FAM186B: variants seen among roughly 807,000 people sequenced by gnomAD.
FAM186B encodes the protein protein FAM186B.
A neutral mutation model predicts 83.4 loss-of-function variants in FAM186B; 68 were observed. The observed-to-expected ratio is 0.81, with a 90% CI of 0.67 to 1.00. The LOEUF is 1.00. Ranked by LOEUF, FAM186B falls within the 50% of genes least tolerant of loss-of-function variation. FAM186B has a pLI of 0.00. For synonymous variants in FAM186B, 389 were observed against 422.0 expected (o/e 0.92, Z 0.96); for missense variants, 983 against 1,099.2 (o/e 0.89, Z 1.49).
Position 49,604,556 on chromosome 12 carries a change from A to T in FAM186B, c.97-18T>A. 6.2e-7 allele frequency: 1 copy of T among 1,609,440 alleles called. No individual in the cohort carries two copies. The highest frequency in any genetic ancestry group is 8.5e-7 in the Non-Finnish European group (1 of 1,175,838). ...GAAATATCCTATAGAGAAGCAGCAG[A>T]TTGTAGTGTTAGGGCTGTGGACTTG... On this transcript the variant is annotated intron_variant, in intron 1 of 6. Coordinates refer to ENST00000257894, the MANE Select transcript of FAM186B (RefSeq NM_032130.3).
chr12:49,595,915 C>T (rs971558888), intron 5 of FAM186B, among the ~76,000 whole-genome samples: 2 of 152,256 alleles, frequency 1.3e-5, no homozygotes, highest in East Asian at 3.9e-4. Context: ...ACCTGGGAGG[C>T]GGAGCTTGCA....
At chr12:49,594,221 A>G in intron 5 of FAM186B, 1 of 271,114 alleles carries the variant, frequency 3.7e-6, no homozygotes, top group Non-Finnish European at 7.8e-6. Context: ...ATAATATTCA[A>G]GAAAAGGACT....
chr12:49,608,701 T>C (rs983088743), upstream of FAM186B, among the ~76,000 whole-genome samples: 1 of 151,746 alleles, frequency 6.6e-6, no homozygotes, highest in East Asian at 1.9e-4. Flanking sequence ...GCCCCCGTGA[T>C]GGCATTTGGC....
chr12:49,588,383 C>T, intron 6 of FAM186B, 71 bp downstream of exon 6: 1 of 1,519,112 alleles, frequency 6.6e-7, no homozygotes, highest in Non-Finnish European at 8.9e-7. Context: ...CCCACCTCCC[C>T]AGGCTGGTCA....
chr12:49,606,494 C>CAT (rs1348084545), upstream of FAM186B, among the ~76,000 whole-genome samples: 12 of 146,076 alleles, frequency 8.2e-5, no homozygotes, highest in South Asian at 1.9e-3. Context: ...CTGACACACA[C>CAT]ACACACACAC....
At chr12:49,593,114 C>A (rs979579719) in intron 5 of FAM186B, 1 of 152,174 alleles carries the variant, frequency 6.6e-6, no homozygotes, top group Non-Finnish European at 1.5e-5. Context: ...GTGCTCACTT[C>A]GGTAGCACAT....
chr12:49,619,445 G>A, the FAM186B span: 4 of 584,638 alleles, frequency 6.8e-6, no homozygotes, highest in Non-Finnish European at 9.4e-6. Flanking sequence ...AGGTTTTGCA[G>A]CAATTGTTGC....
chr12:49,603,250 C>T lies in FAM186B; in HGVS notation c.440G>A (p.Arg147Lys). The T allele has an allele frequency of 2.5e-6, 4 of 1,614,224 alleles. No individual in the cohort carries two copies. Among genetic ancestry groups the T allele is most frequent in the Non-Finnish European group, 3.4e-6 (4 of 1,180,054 alleles). ...VLPLSLIATK[R>K]GIESLTALCS... ...AAGGGCAGTGAGTGACTCGATGCCT[C>T]TTTTGGTGGCAATGAGGGACAGCGG... The change falls in exon 3 of 7, where the codon AGA becomes AAA. Residue 147 changes from arginine (R) to lysine (K), a missense_variant. Transcript: ENST00000257894.
chr12:49,616,320 G>A, the FAM186B span, among the ~76,000 whole-genome samples: 7 of 152,122 alleles, frequency 4.6e-5, no homozygotes, highest in African/African-American at 9.7e-5. Flanking sequence ...GTGAGCCACC[G>A]CACCCAGCCA....
upstream of FAM186B, chr12:49,605,758 CTTTTTT>C: frequency 4.7e-5 from 7 of 150,354 alleles, no homozygotes; most frequent in East Asian, 1.9e-4. Context: ...GTTGCCTTTT[CTTTTTT>C]TTTTTTTTTT....
At chr12:49,595,552 C>A in intron 5 of FAM186B, 2 of 448,856 alleles carry the variant, frequency 4.5e-6, no homozygotes, top group South Asian at 3.4e-5. Context: ...CTCTGAGAAT[C>A]GTGTGGAAAA....
upstream of FAM186B, among the ~76,000 whole-genome samples, chr12:49,609,500 C>T (rs144751367): frequency 1.3e-5 from 2 of 152,174 alleles, no homozygotes; most frequent in Non-Finnish European, 2.9e-5. Context: ...GGTGAAGAGG[C>T]ACCCTATCCA....
At chr12:49,602,002 T>G (rs989722479) in intron 3 of FAM186B, among the ~76,000 whole-genome samples, 2 of 152,236 alleles carry the variant, frequency 1.3e-5, no homozygotes, top group Admixed American at 1.3e-4. Flanking sequence ...GTTTAGATTC[T>G]GCAATAAGAT....
At chr12:49,601,227 C>G in intron 3 of FAM186B, 93 bp from the exon 4 acceptor site, 9 of 1,469,082 alleles carry the variant, frequency 6.1e-6, no homozygotes, top group Non-Finnish European at 8.1e-6. Flanking sequence ...AAATGGCAAC[C>G]CCCTTAGGGA....
At chr12:49,586,411 A>T (rs1939443787), downstream of FAM186B, among the ~76,000 whole-genome samples, 1 of 152,186 alleles carries the variant, frequency 6.6e-6, no homozygotes, top group Non-Finnish European at 1.5e-5. Flanking sequence ...TACTGACGTC[A>T]TGAGTGTATG....
chr12:49,617,245 A>C, the FAM186B span, among the ~76,000 whole-genome samples: 1 of 152,192 alleles, frequency 6.6e-6, no homozygotes, highest in South Asian at 2.1e-4. Flanking sequence ...TCACTAACCA[A>C]AACAAAAGCA....
At chr12:49,583,474 G>A (rs912692241), downstream of FAM186B, 3 of 188,038 alleles carry the variant, frequency 1.6e-5, no homozygotes, top group South Asian at 9.7e-5. Context: ...CCTGGGACCC[G>A]AGAGGCTGGA....
At chr12:49,621,754 T>C in the FAM186B span, among the ~76,000 whole-genome samples, 2,535 of 152,350 alleles carry the variant, frequency 0.017, 68 homozygotes, top group African/African-American at 0.057. Flanking sequence ...TCCAGGGTCC[T>C]AGGTATTCAG....
intron 5 of FAM186B, chr12:49,595,701 T>C: frequency 2.8e-6 from 1 of 354,302 alleles, no homozygotes; most frequent in Non-Finnish European, 5.7e-6. Flanking sequence ...GAGCAGCAAG[T>C]GGCTGGGCGC....
Sources: gnomAD v4.1 joint callset for allele counts (sites outside exome capture counted in the v4.1 genomes callset) on GRCh38, gnomAD v4.1.1 for gene constraint, MANE v1.5 for transcripts, NCBI Gene and HGNC (gene_info 2026-07-23, HGNC 2026-07-21) for gene names.